The following TMEM135 variants were observed in gnomAD, a reference collection of about 807,000 sequenced individuals.
The protein encoded by TMEM135 is transmembrane protein 135, also known as peroxisomal membrane protein 52.
TMEM135 carries 30 observed loss-of-function variants against 60.3 expected under a neutral mutation model. That is an observed-to-expected ratio of 0.50 (90% CI 0.37 to 0.68). The LOEUF (loss-of-function observed/expected upper bound fraction) is 0.68. Ranked by LOEUF, TMEM135 falls within the 30% of genes least tolerant of loss-of-function variation. The pLI is 0.00. For synonymous variants in TMEM135, 190 were observed against 186.7 expected (o/e 1.02, Z -0.14); for missense variants, 468 against 548.8 (o/e 0.85, Z 1.47).
At chr11:87,043,423 T>G (rs985522368) in intron 1 of TMEM135, among the ~76,000 whole-genome samples, 3 of 152,198 alleles carry the variant, frequency 2.0e-5, no homozygotes, top group Admixed American at 2.0e-4. Context: ...CACATACATA[T>G]GAAACAGTTA....
chr11:87,098,435 A>G (rs565100896), intron 4 of TMEM135, among the ~76,000 whole-genome samples: 3 of 152,266 alleles, frequency 2.0e-5, no homozygotes, highest in African/African-American at 7.2e-5. Context: ...AGATACAAAG[A>G]TTAAAAGTTG....
chr11:87,300,887 A>C (rs1942434740), intron 7 of TMEM135, among the ~76,000 whole-genome samples: 1 of 152,202 alleles, frequency 6.6e-6, no homozygotes, highest in Admixed American at 6.5e-5. Flanking sequence ...AGCTTCTCCA[A>C]GGAAGTGACC....
At position 87,038,033 on chromosome 11, in the gene TMEM135, G is replaced by A. The variant is rs766125582; in HGVS notation, c.-13G>A. On this transcript the variant is annotated 5_prime_UTR_variant, in exon 1 of 15. Coordinates refer to ENST00000305494, the MANE Select transcript of TMEM135 (RefSeq NM_022918.4). Reference sequence around the variant, plus strand: ...GCTCTCCCCCTCCTGTCTTCTCCGCGCTGTTCCTCGTCATGGCGGCCCTCA... The same window carrying A: ...GCTCTCCCCCTCCTGTCTTCTCCGCACTGTTCCTCGTCATGGCGGCCCTCA... 7 of 1,613,780 alleles carry A rather than the reference G, an allele frequency of 4.3e-6. No individual in the cohort carries two copies. In the South Asian group the frequency reaches 5.5e-5, roughly 13 times the overall value.
At chr11:87,039,338 G>A (rs1949731408) in intron 1 of TMEM135, among the ~76,000 whole-genome samples, 1 of 152,168 alleles carries the variant, frequency 6.6e-6, no homozygotes, top group Admixed American at 6.5e-5. Context: ...TGAGGATTAT[G>A]TTAAAATGGG....
intron 12 of TMEM135, among the ~76,000 whole-genome samples, chr11:87,316,899 G>A (rs1590868091): frequency 6.6e-6 from 1 of 150,718 alleles, no homozygotes; most frequent in East Asian, 1.9e-4. Context: ...TTTTTAAATA[G>A]GATATTAGAA....
intron 6 of TMEM135, among the ~76,000 whole-genome samples, chr11:87,272,129 C>G (rs1355570519): frequency 6.9e-6 from 1 of 144,396 alleles, no homozygotes; most frequent in Non-Finnish European, 1.5e-5. Context: ...TATCTGCTCA[C>G]TGCAACCTCC....
chr11:87,207,653 TAGTCCC>T (rs1330653690), intron 5 of TMEM135, among the ~76,000 whole-genome samples: 2 of 152,202 alleles, frequency 1.3e-5, no homozygotes, highest in Non-Finnish European at 2.9e-5. Flanking sequence ...TATGCATTCT[TAGTCCC>T]ATTTAATAAA....
chr11:87,160,593 G>GTAAGTA (rs1938844585), intron 5 of TMEM135, among the ~76,000 whole-genome samples: 1 of 152,128 alleles, frequency 6.6e-6, no homozygotes, highest in Non-Finnish European at 1.5e-5. Flanking sequence ...ACTTAGACTA[G>GTAAGTA]AGTTTCCTAA....
chr11:87,254,928 C>G (rs685659), intron 6 of TMEM135, among the ~76,000 whole-genome samples: 100,109 of 151,904 alleles, frequency 0.66, 33,563 homozygotes, highest in Non-Finnish European at 0.71. Flanking sequence ...TTGTTTGAGC[C>G]CAGGGGTTCG....
At chr11:87,226,024 T>A (rs1011738734) in intron 5 of TMEM135, among the ~76,000 whole-genome samples, 2 of 152,148 alleles carry the variant, frequency 1.3e-5, no homozygotes, top group Non-Finnish European at 2.9e-5. Flanking sequence ...ATGGCTCCTT[T>A]TAGTTCCTCA....
rs190422994 is a variant in TMEM135 at position 87,212,413 on chromosome 11, T to C, written c.463-24225T>C. The stretch of plus-strand genomic sequence containing the variant: ...AATACAGTTGAATATATTAATAATT[T>C]TAAAGGAGAACTTTGTAAATTACAG... On this transcript the variant is annotated intron_variant, in intron 5 of 14. Transcript: ENST00000305494. 4.4e-3 allele frequency among the ~76,000 whole-genome samples: 671 copies of C among 152,266 alleles called. 8 individuals are homozygous for C. The highest frequency in any genetic ancestry group is 0.016 in the African/African-American group (652 of 41,546).
chr11:87,284,980 C>T (rs1241108141), intron 6 of TMEM135, among the ~76,000 whole-genome samples: 1 of 152,182 alleles, frequency 6.6e-6, no homozygotes, highest in Non-Finnish European at 1.5e-5. Context: ...CTATTAACCA[C>T]ACACTACAAG....
At chr11:87,136,930 T>C (rs185950100) in intron 4 of TMEM135, among the ~76,000 whole-genome samples, 55 of 152,192 alleles carry the variant, frequency 3.6e-4, no homozygotes, top group African/African-American at 1.3e-3. Flanking sequence ...ATGCCTTGTG[T>C]GGATCTGAAA....
intron 4 of TMEM135, among the ~76,000 whole-genome samples, chr11:87,146,468 C>A (rs1030959663): frequency 6.6e-6 from 1 of 152,116 alleles, no homozygotes; most frequent in Non-Finnish European, 1.5e-5. Flanking sequence ...GAAAATAAAA[C>A]TGGCCTTAAG....
At chr11:87,135,380 A>G (rs1469413897) in intron 4 of TMEM135, among the ~76,000 whole-genome samples, 1 of 152,022 alleles carries the variant, frequency 6.6e-6, no homozygotes, top group African/African-American at 2.4e-5. Context: ...TCTATGATAC[A>G]GTTTGCCCTA....
intron 3 of TMEM135, among the ~76,000 whole-genome samples, chr11:87,081,997 G>A (rs899363519): frequency 3.3e-5 from 5 of 152,156 alleles, no homozygotes; most frequent in African/African-American, 7.2e-5. Context: ...AGGTGATGCA[G>A]TTAACAATAC....
chr11:87,235,629 C>A (rs1940979174), intron 5 of TMEM135, among the ~76,000 whole-genome samples: 2 of 151,892 alleles, frequency 1.3e-5, no homozygotes, highest in South Asian at 4.1e-4. Context: ...AAAGAAGGTT[C>A]ATTTCTTATT....
intron 3 of TMEM135, among the ~76,000 whole-genome samples, chr11:87,081,626 A>G (rs559561625): frequency 6.6e-5 from 10 of 151,576 alleles, no homozygotes; most frequent in African/African-American, 9.7e-5. Context: ...TAAGGTGATA[A>G]CGTGGATTTG....
chr11:87,243,732 A>C (rs1281550667), intron 6 of TMEM135, among the ~76,000 whole-genome samples: 3 of 90,234 alleles, frequency 3.3e-5, no homozygotes, highest in Non-Finnish European at 5.4e-5. Flanking sequence ...GAAGTTGCTT[A>C]TCAGCTTGAG....
Sources: allele counts gnomAD v4.1 joint callset (sites outside exome capture counted in the v4.1 genomes callset), GRCh38; gene constraint gnomAD v4.1.1; transcripts MANE v1.5; gene names NCBI Gene and HGNC (gene_info 2026-07-23, HGNC 2026-07-21).